DEK: variants seen among roughly 807,000 people sequenced by gnomAD.
DEK encodes the protein protein DEK.
DEK carries 28 observed loss-of-function variants against 46.8 expected under a neutral mutation model. The observed-to-expected ratio is 0.60, with a 90% CI of 0.44 to 0.82. DEK has a LOEUF of 0.82. Among genes scored for constraint, DEK ranks in the 40% least tolerant of loss-of-function variants. The pLI is 0.00. For synonymous variants in DEK, 160 were observed against 144.5 expected, an observed-to-expected ratio of 1.11 and a Z score of -0.77; for missense variants, 416 against 430.6, an observed-to-expected ratio of 0.97 and a Z score of 0.30.
rs780078216 is a variant in DEK at position 18,225,680 on chromosome 6, CA to C, written c.*38del. ...GGTATAATGGTATAAATCAGATCTT[CA>C]AATCTATGGGAACGAGTCATCTTCT... On this transcript the variant is annotated 3_prime_UTR_variant, in exon 11 of 11. Transcript: ENST00000652689. 59 of 1,606,860 alleles carry C rather than the reference CA, an allele frequency of 3.7e-5. No individual in the cohort carries two copies. Among genetic ancestry groups the C allele is most frequent in the Non-Finnish European group, 4.8e-5 (57 of 1,175,630 alleles).
At position 18,228,212 on chromosome 6, in the gene DEK, C is replaced by T. The variant is rs550351067; in HGVS notation, c.1048-1970G>A. Among the ~76,000 whole-genome samples the T allele has an allele frequency of 4.1e-4, 63 of 152,172 alleles. 1 individual carries two copies. The South Asian group carries it at 4.8e-3, about 12-fold the overall frequency. On this transcript the variant is annotated intron_variant, in intron 9 of 10. Transcript: ENST00000652689. ...GCCAGTCAGTTTCTACTCAACTATG[C>T]GTTGTAGTGGCAATGCTGCCATAGA...
At chr6:18,255,672 T>G (rs1791565803) in intron 6 of DEK, 59 bp downstream of exon 6, 2 of 1,541,568 alleles carry the variant, frequency 1.3e-6, no homozygotes, top group Non-Finnish European at 1.7e-6. Flanking sequence ...TCAATTTTTG[T>G]TTCATATAAA....
chr6:18,254,976 C>T (rs1171723331), intron 6 of DEK, among the ~76,000 whole-genome samples: 1 of 152,150 alleles, frequency 6.6e-6, no homozygotes, highest in Non-Finnish European at 1.5e-5. Context: ...AATGCCATCT[C>T]CCATCAGAGA....
intron 6 of DEK, among the ~76,000 whole-genome samples, chr6:18,250,153 T>C (rs1432026128): frequency 6.6e-6 from 1 of 152,202 alleles, no homozygotes. Context: ...TTTGTCATGA[T>C]AATATTTTAA....
chr6:18,223,973 T>C lies in DEK; in HGVS notation c.*1746A>G, dbSNP rs1789994203. The C allele has an allele frequency of 6.5e-6, 1 of 152,792 alleles. No homozygotes were observed. The highest frequency in any genetic ancestry group is 2.1e-4 in the South Asian group (1 of 4,840). The allele number at this position is 152,792 out of a possible 1,614,324, so 9.5% of individuals were successfully genotyped here. A position where few individuals can be genotyped will look rare whatever the true frequency, so the allele number is the denominator to read the frequency against. ...ACTCTATGCATGACTACTTACCTTCTTTATAGCAAATGGTCATAAAATTAA... is the reference window on the plus strand; with the variant it reads ...ACTCTATGCATGACTACTTACCTTCCTTATAGCAAATGGTCATAAAATTAA... On this transcript the variant is annotated 3_prime_UTR_variant, in exon 11 of 11. Coordinates refer to ENST00000652689, the MANE Select transcript of DEK (RefSeq NM_003472.4).
chr6:18,227,844 C>T (rs558302243), intron 9 of DEK, among the ~76,000 whole-genome samples: 23 of 152,286 alleles, frequency 1.5e-4, no homozygotes, highest in Non-Finnish European at 3.1e-4. Context: ...CTTTCTTCTC[C>T]AACCCTTGTT....
At chr6:18,236,399 G>A (rs1790648707) in intron 9 of DEK, 53 bp downstream of exon 9, 6 of 1,573,722 alleles carry the variant, frequency 3.8e-6, no homozygotes, top group Non-Finnish European at 5.2e-6. Flanking sequence ...TCAGAGATAA[G>A]TGAAAGAATT....
rs1790078117 is a variant in DEK at position 18,225,572 on chromosome 6, ACACT to A, written c.*143_*146del. ...AAAACAGCAAACTCAAATTCACATA[ACACT>A]CAAGATAAAAAGGTCAGCAGTAAGT... is the stretch of plus-strand genomic sequence containing the variant. On this transcript the variant is annotated 3_prime_UTR_variant, in exon 11 of 11. Coordinates refer to ENST00000652689, the MANE Select transcript of DEK (RefSeq NM_003472.4). 8.8e-6 allele frequency: 7 copies of A among 792,398 alleles called. No homozygotes were observed. The East Asian group carries it at 1.9e-4, about 22-fold the overall frequency. The allele number at this position is 792,398 out of a possible 1,614,324, so 49.1% of individuals were successfully genotyped here.
Position 18,255,665 on chromosome 6 carries a change from A to G in DEK, c.573+66T>C, listed in dbSNP as rs945329322. 3.9e-6 allele frequency: 6 copies of G among 1,531,044 alleles called. No individual in the cohort carries two copies. The African/African-American group carries it at 7.0e-5, about 18-fold the overall frequency. The allele number at this position is 1,531,044 out of a possible 1,614,324, so 94.8% of individuals were successfully genotyped here. A position where few individuals can be genotyped will look rare whatever the true frequency, so the allele number is the denominator to read the frequency against. ...CTGACAGCAATGCTGTTATTAATCA[A>G]TTTTTGTTTCATATAAAGAGGCTAT... On this transcript the variant is annotated intron_variant, in intron 6 of 10. Transcript: ENST00000652689.
chr6:18,224,208 G>T lies in DEK; in HGVS notation c.*1511C>A, dbSNP rs553861831. 3.3e-3 allele frequency: 576 copies of T among 176,918 alleles called. 5 individuals are homozygous for T. The highest frequency in any genetic ancestry group is 0.013 in the African/African-American group (550 of 42,378). The allele number at this position is 176,918 out of a possible 1,614,324, so 11.0% of individuals were successfully genotyped here. A position where few individuals can be genotyped will look rare whatever the true frequency, so the allele number is the denominator to read the frequency against. The stretch of plus-strand genomic sequence containing the variant: ...ATTTAGATTTATTTTTATTGACAAG[G>T]TTTATAAGAACAAATATTTAAAATC... On this transcript the variant is annotated 3_prime_UTR_variant, in exon 11 of 11. Coordinates refer to ENST00000652689, the MANE Select transcript of DEK (RefSeq NM_003472.4).
intron 9 of DEK, among the ~76,000 whole-genome samples, chr6:18,229,299 C>A (rs1790290444): frequency 6.6e-6 from 1 of 152,160 alleles, no homozygotes; most frequent in Admixed American, 6.5e-5. Context: ...AGCAGAAAAG[C>A]TGAAAATTCT....
chr6:18,225,099 T>TA lies in DEK; in HGVS notation c.*619dup, dbSNP rs976135473. The stretch of plus-strand genomic sequence containing the variant: ...TAAAAAGTGATCTGCACAAAAGAAA[T>TA]AAAAAAACTTTATATACAACCAATT... On this transcript the variant is annotated 3_prime_UTR_variant, in exon 11 of 11. Coordinates refer to ENST00000652689, the MANE Select transcript of DEK (RefSeq NM_003472.4). 2 of 214,180 alleles carry TA rather than the reference T, an allele frequency of 9.3e-6. No homozygotes were observed. The highest frequency in any genetic ancestry group is 4.5e-5 in the African/African-American group (2 of 44,214). 13.3% of individuals were successfully genotyped at this position (214,180 alleles called of 1,614,324 possible).
chr6:18,247,556 T>C (rs1582279320), intron 7 of DEK, among the ~76,000 whole-genome samples: 1 of 152,192 alleles, frequency 6.6e-6, no homozygotes, highest in Non-Finnish European at 1.5e-5. Flanking sequence ...GTGATTATTA[T>C]CCTGGAACCA....
At chr6:18,237,183 C>CTATA in intron 8 of DEK, 198 bp downstream of exon 8, 1 of 482,046 alleles carries the variant, frequency 2.1e-6, no homozygotes, top group Non-Finnish European at 3.4e-6. Context: ...CTGTCTCTCT[C>CTATA]TCTATATATA....
chr6:18,229,196 A>G (rs1011068133), intron 9 of DEK, among the ~76,000 whole-genome samples: 2 of 152,212 alleles, frequency 1.3e-5, no homozygotes, highest in Non-Finnish European at 2.9e-5. Flanking sequence ...AAGGAAAACT[A>G]ACAAAAAGAA....
At chr6:18,245,984 T>C (rs1203189787) in intron 7 of DEK, among the ~76,000 whole-genome samples, 1 of 152,246 alleles carries the variant, frequency 6.6e-6, no homozygotes, top group African/African-American at 2.4e-5. Context: ...CCGCGTAAGA[T>C]GGGTCTTTGC....
intron 9 of DEK, among the ~76,000 whole-genome samples, chr6:18,235,044 T>C (rs1225881792): frequency 6.6e-6 from 1 of 152,234 alleles, no homozygotes; most frequent in African/African-American, 2.4e-5. Context: ...ACAGAACTAA[T>C]TTCTCTTTGA....
chr6:18,243,732 G>A (rs1000016996), intron 7 of DEK, among the ~76,000 whole-genome samples: 3 of 152,174 alleles, frequency 2.0e-5, no homozygotes, highest in Admixed American at 6.6e-5. Context: ...AATATCTTCT[G>A]TAACCCTAAC....
chr6:18,240,485 T>C (rs757161224), intron 7 of DEK, among the ~76,000 whole-genome samples: 7 of 152,162 alleles, frequency 4.6e-5, no homozygotes, highest in African/African-American at 1.7e-4. Flanking sequence ...AAAGAAACAA[T>C]AGTTCCTATG....
Sources: allele counts gnomAD v4.1 joint callset (sites outside exome capture counted in the v4.1 genomes callset), GRCh38; gene constraint gnomAD v4.1.1; transcripts MANE v1.5; gene names NCBI Gene and HGNC (gene_info 2026-07-23, HGNC 2026-07-21).